The following IL34 variants were observed in gnomAD, a reference collection of about 807,000 sequenced individuals.
IL34 encodes interleukin-34.
IL34 carries 17 observed loss-of-function variants against 25.3 expected under a neutral mutation model. That is an observed-to-expected ratio of 0.67 (90% CI 0.46 to 1.01). The LOEUF (loss-of-function observed/expected upper bound fraction) is 1.01, where lower values mean the gene tolerates loss of function less well. IL34 is among the 50% of genes least tolerant of loss of function. The pLI, the probability that IL34 is intolerant of heterozygous loss-of-function variation, is 0.00. For missense variants in IL34, 368 were observed against 312.9 expected (o/e 1.18, Z -1.33); for synonymous variants, 174 against 140.9 (o/e 1.23, Z -1.66).
intron 1 of IL34, among the ~76,000 whole-genome samples, chr16:70,610,565 C>T (rs907858731): frequency 6.6e-6 from 1 of 152,156 alleles, no homozygotes; most frequent in African/African-American, 2.4e-5. Flanking sequence ...GTGGGGAGAA[C>T]GACACACAAC....
rs1280120329 is a variant in IL34, at chr16:70,654,613, G to T, written c.104G>T (p.Cys35Phe). Residue 35 changes from cysteine (C) to phenylalanine (F), a missense_variant, in exon 2 of 6, where the codon TGC becomes TTC. By Grantham distance (205) the Cys-to-Phe change is radical. Transcript: ENST00000288098. ...EMWPLTQNEECTVTGFLRDKL... is the reference protein window; with the variant it reads ...EMWPLTQNEEFTVTGFLRDKL... The stretch of plus-strand genomic sequence containing the variant: ...TGGCCCTTGACGCAGAATGAGGAGT[G>T]CACTGTCACGGGTTTTCTGCGGGAC... The T allele has an allele frequency of 6.2e-7, 1 of 1,613,622 alleles. No homozygotes were observed. The highest frequency in any genetic ancestry group is 8.5e-7 in the Non-Finnish European group (1 of 1,179,640).
rs990338649 is a variant in IL34 at position 70,608,648 on chromosome 16, G to C, written c.-401+28599G>C. 1.6e-4 allele frequency among the ~76,000 whole-genome samples: 25 copies of C among 152,348 alleles called. 1 individual carries two copies. The highest frequency in any genetic ancestry group is 3.4e-4 in the Non-Finnish European group (23 of 68,034). On this transcript the variant is annotated intron_variant, in intron 1 of 6. Transcript: ENST00000429149. ...CACTATAGCCTCTGCCGCCAACTCT[G>C]AGCAGCACAGGTGAGTCAGCCCAGG...
rs568430229 is a variant in IL34 at position 70,634,286 on chromosome 16, A to C, written c.-400-12262A>C. ...GTCATATTCTGAGATTCCAGGTAAGATATGAACTGGGGGCAGGCAGCACTG... is the reference window on the plus strand; with the variant it reads ...GTCATATTCTGAGATTCCAGGTAAGCTATGAACTGGGGGCAGGCAGCACTG... On this transcript the variant is annotated intron_variant, in intron 1 of 6. Coordinates refer to the IL34 transcript ENST00000429149. Among the ~76,000 whole-genome samples, 47 of 150,038 alleles carry C rather than the reference A, an allele frequency of 3.1e-4. No individual in the cohort carries two copies. In the East Asian group the frequency reaches 9.1e-3, roughly 29 times the overall value.
intron 1 of IL34, among the ~76,000 whole-genome samples, chr16:70,604,254 T>A (rs1489851255): frequency 1.3e-5 from 2 of 152,136 alleles, no homozygotes; most frequent in Non-Finnish European, 2.9e-5. Flanking sequence ...AATAAAAAAA[T>A]GTGAGGCCAA....
At chr16:70,651,338 A>G (rs1470290054) in intron 1 of IL34, among the ~76,000 whole-genome samples, 1 of 152,196 alleles carries the variant, frequency 6.6e-6, no homozygotes, top group Non-Finnish European at 1.5e-5. Flanking sequence ...GACAGAAAGT[A>G]AGCAGATGTT....
At chr16:70,610,869 T>C (rs532587133) in intron 1 of IL34, among the ~76,000 whole-genome samples, 93 of 152,342 alleles carry the variant, frequency 6.1e-4, no homozygotes, top group Non-Finnish European at 1.0e-3. Context: ...CAGTTAGGGT[T>C]GATTCTGAGG....
intron 3 of IL34, 86 bp from the exon 4 acceptor site, chr16:70,656,874 A>G (rs1033968803): frequency 2.4e-5 from 34 of 1,433,512 alleles, no homozygotes; most frequent in Non-Finnish European, 3.0e-5. Context: ...TCTGCTCCCT[A>G]TGCAGGGGCA....
At chr16:70,622,053 A>G (rs1331231690) in intron 1 of IL34, among the ~76,000 whole-genome samples, 2 of 152,002 alleles carry the variant, frequency 1.3e-5, no homozygotes, top group Non-Finnish European at 2.9e-5. Context: ...TTGGGCTCAG[A>G]GGCCTGACAG....
intron 1 of IL34, among the ~76,000 whole-genome samples, chr16:70,625,858 G>T (rs905028620): frequency 2.0e-5 from 3 of 152,218 alleles, no homozygotes; most frequent in African/African-American, 7.2e-5. Flanking sequence ...GTAAAAAGTG[G>T]CCACTTACCG....
intron 1 of IL34, among the ~76,000 whole-genome samples, chr16:70,614,048 G>T (rs948671725): frequency 1.3e-4 from 19 of 151,884 alleles, no homozygotes; most frequent in African/African-American, 4.6e-4. Context: ...TCCAGGCGTG[G>T]TGGTGCACGC....
intron 1 of IL34, among the ~76,000 whole-genome samples, chr16:70,609,653 ACTGT>A (rs1231938767): frequency 2.0e-5 from 3 of 152,140 alleles, no homozygotes; most frequent in Non-Finnish European, 4.4e-5. Context: ...TGAGGCAGAG[ACTGT>A]CTGGGACTAC....
intron 1 of IL34, among the ~76,000 whole-genome samples, chr16:70,649,541 C>T (rs147951348): frequency 1.1e-4 from 17 of 152,280 alleles, no homozygotes; most frequent in East Asian, 9.7e-4. Flanking sequence ...CCTCTGGAGT[C>T]GGTCCTACCT....
At chr16:70,591,523 C>T (rs2050753807) in intron 1 of IL34, among the ~76,000 whole-genome samples, 1 of 150,148 alleles carries the variant, frequency 6.7e-6, no homozygotes, top group Non-Finnish European at 1.5e-5. Context: ...TAGCCATGAT[C>T]ACACCATTGT....
In IL34 at chr16:70,583,441, C is replaced by T. The variant is rs35780319; in HGVS notation, c.-401+3392C>T. On this transcript the variant is annotated intron_variant, in intron 1 of 6. Transcript: ENST00000429149. ...GCAGGTTTTGAGATGCCTGTTCTTG[C>T]GGCTTCGAGGGACGAAGCGAGTGTT... Among the ~76,000 whole-genome samples, 457 of 152,178 alleles carry T rather than the reference C, an allele frequency of 3.0e-3. 2 individuals carry two copies. Among genetic ancestry groups the T allele is most frequent in the Middle Eastern group, 0.01 (3 of 294 alleles).
intron 1 of IL34, among the ~76,000 whole-genome samples, chr16:70,588,624 A>G (rs144555207): frequency 3.7e-4 from 57 of 152,344 alleles, no homozygotes; most frequent in African/African-American, 1.3e-3. Flanking sequence ...AGCAGCATCA[A>G]TCGTAGCTAA....
At position 70,604,739 on chromosome 16, in the gene IL34, C is replaced by T. The variant is rs78115862; in HGVS notation, c.-401+24690C>T. Reference sequence around the variant, plus strand: ...TAGGCAAAGTCCGATAAGGAGCTCCCGGCCTGGGGCCCAGGCACAAAGTGA... The same window carrying T: ...TAGGCAAAGTCCGATAAGGAGCTCCTGGCCTGGGGCCCAGGCACAAAGTGA... On this transcript the variant is annotated intron_variant, in intron 1 of 6. Coordinates refer to the IL34 transcript ENST00000429149. Among the ~76,000 whole-genome samples the T allele has an allele frequency of 2.6e-3, 398 of 152,302 alleles. 2 individuals carry two copies. Among genetic ancestry groups the T allele is most frequent in the African/African-American group, 8.7e-3 (361 of 41,576 alleles).
chr16:70,657,410 C>A, intron 4 of IL34: 1 of 356,722 alleles, frequency 2.8e-6, no homozygotes, highest in Non-Finnish European at 5.1e-6. Flanking sequence ...GTCATCGTAC[C>A]CTCTTTGTTT....
intron 1 of IL34, among the ~76,000 whole-genome samples, chr16:70,635,303 C>T (rs2051616115): frequency 6.6e-6 from 1 of 152,224 alleles, no homozygotes; most frequent in Admixed American, 6.5e-5. Flanking sequence ...GGGATAACCC[C>T]TCTGCAGAGG....
chr16:70,626,604 C>G (rs774975072), intron 1 of IL34, among the ~76,000 whole-genome samples: 2 of 152,168 alleles, frequency 1.3e-5, no homozygotes, highest in Non-Finnish European at 2.9e-5. Context: ...CCATGTTGAT[C>G]AGGCTGGTCT....
Sources: gnomAD v4.1 joint callset for allele counts (sites outside exome capture counted in the v4.1 genomes callset) on GRCh38, gnomAD v4.1.1 for gene constraint, MANE v1.5 for transcripts, NCBI Gene and HGNC (gene_info 2026-07-23, HGNC 2026-07-21) for gene names.